PPP2R2B: variants seen among roughly 807,000 people sequenced by gnomAD.
PPP2R2B encodes serine/threonine-protein phosphatase 2A 55 kDa regulatory subunit B beta isoform.
Under a neutral mutation model 46.0 loss-of-function variants are expected in PPP2R2B, and 5 were observed. The ratio of observed to expected loss-of-function variants is 0.11; its 90% CI spans 0.06 to 0.23. PPP2R2B has a LOEUF of 0.23. Ranked by LOEUF, PPP2R2B falls within the 10% of genes least tolerant of loss-of-function variation. The pLI is 1.00. For synonymous variants in PPP2R2B, 215 were observed against 206.7 expected, an observed-to-expected ratio of 1.04 and a Z score of -0.34; for missense variants, 367 against 575.0, an observed-to-expected ratio of 0.64 and a Z score of 3.70.
chr5:146,960,086 T>C (rs1270602049), intron 1 of PPP2R2B, among the ~76,000 whole-genome samples: 1 of 152,162 alleles, frequency 6.6e-6, no homozygotes, highest in Non-Finnish European at 1.5e-5. Flanking sequence ...TAGATAATAC[T>C]ACATTGTTTC....
intron 3 of PPP2R2B, among the ~76,000 whole-genome samples, chr5:146,698,989 AAAG>A (rs1233642286): frequency 2.6e-5 from 4 of 152,158 alleles, no homozygotes; most frequent in South Asian, 2.1e-4. Flanking sequence ...GATGTGAAAG[AAAG>A]AAGAAGAAGA....
chr5:146,706,525 C>T lies in PPP2R2B; in HGVS notation c.71-5383G>A, dbSNP rs111660230. 3.6e-4 allele frequency: 423 copies of T among 1,175,680 alleles called. 2 individuals carry two copies. In the African/African-American group the frequency reaches 5.5e-3, roughly 15 times the overall value. 72.8% of individuals were successfully genotyped at this position (1,175,680 alleles called of 1,614,324 possible). ...TTCTGGTAGGCACGCAGCTGCCGCG[C>T]CATGTCCTACTTGGTCTGCTGAAGG... On this transcript the variant is annotated intron_variant, in intron 2 of 9. Coordinates refer to ENST00000394411, the MANE Select transcript of PPP2R2B (RefSeq NM_181675.4).
chr5:146,980,326 A>G (rs1001854418), intron 1 of PPP2R2B, among the ~76,000 whole-genome samples: 11 of 152,244 alleles, frequency 7.2e-5, no homozygotes, highest in African/African-American at 2.4e-4. Context: ...ACAATGAAGC[A>G]GAGATGGTAT....
chr5:146,876,613 C>T (rs897426472), intron 2 of PPP2R2B, among the ~76,000 whole-genome samples: 1 of 152,074 alleles, frequency 6.6e-6, no homozygotes, highest in African/African-American at 2.4e-5. Context: ...GAAAAAGAAT[C>T]GGTAAGTATG....
At chr5:146,597,373 T>C (rs959309683) in intron 8 of PPP2R2B, among the ~76,000 whole-genome samples, 5 of 152,204 alleles carry the variant, frequency 3.3e-5, no homozygotes, top group Non-Finnish European at 5.9e-5. Context: ...CTCCTGTCTT[T>C]TTAGTTCACT....
Position 147,006,238 on chromosome 5 carries a change from CT to C in PPP2R2B, c.79+49426del, listed in dbSNP as rs551172843. Reference sequence around the variant, plus strand: ...TTAGGAAAATTGCCTAATAATTGGTCTGCTCAAACGTGGGAGTTGTTTGCAT... The same window carrying C: ...TTAGGAAAATTGCCTAATAATTGGTCGCTCAAACGTGGGAGTTGTTTGCAT... On this transcript the variant is annotated intron_variant, in intron 1 of 8. Coordinates refer to the PPP2R2B transcript ENST00000336640. Among the ~76,000 whole-genome samples the C allele has an allele frequency of 1.7e-4, 26 of 152,298 alleles. No homozygotes were observed. The East Asian group carries it at 4.8e-3, about 28-fold the overall frequency.
intron 2 of PPP2R2B, among the ~76,000 whole-genome samples, chr5:146,726,961 A>G (rs1468206289): frequency 1.3e-5 from 2 of 152,198 alleles, no homozygotes. Context: ...TCCTGGCTCA[A>G]GGAGGCGTTT....
At chr5:147,071,116 G>C (rs559390966) in intron 2 of PPP2R2B, among the ~76,000 whole-genome samples, 1 of 152,094 alleles carries the variant, frequency 6.6e-6, no homozygotes, top group South Asian at 2.1e-4. Flanking sequence ...ATGTCCTTTC[G>C]CTTGACATTG....
chr5:146,777,659 A>G (rs576100479), intron 2 of PPP2R2B, among the ~76,000 whole-genome samples: 1 of 152,324 alleles, frequency 6.6e-6, no homozygotes, highest in East Asian at 1.9e-4. Flanking sequence ...TAAATTAAGA[A>G]GTCTATTATA....
intron 2 of PPP2R2B, among the ~76,000 whole-genome samples, chr5:146,838,202 G>A (rs1304715340): frequency 3.3e-5 from 5 of 152,130 alleles, no homozygotes; most frequent in Non-Finnish European, 7.3e-5. Flanking sequence ...AAACTTTCAA[G>A]GAGCTACTAA....
At chr5:147,036,538 G>A (rs1412106907) in intron 1 of PPP2R2B, among the ~76,000 whole-genome samples, 2 of 152,074 alleles carry the variant, frequency 1.3e-5, no homozygotes, top group African/African-American at 4.8e-5. Context: ...CCCAGTAATG[G>A]GATTGCTGAG....
At chr5:146,746,250 C>T (rs1417742355) in intron 2 of PPP2R2B, among the ~76,000 whole-genome samples, 2 of 152,196 alleles carry the variant, frequency 1.3e-5, no homozygotes, top group Non-Finnish European at 2.9e-5. Context: ...TATGGTCTCT[C>T]ATATTATCTC....
At chr5:146,949,421 T>C (rs1764585087) in intron 1 of PPP2R2B, among the ~76,000 whole-genome samples, 1 of 152,058 alleles carries the variant, frequency 6.6e-6, no homozygotes, top group African/African-American at 2.4e-5. Context: ...TCATTGATCA[T>C]CTGAGAAATG....
At chr5:146,861,008 A>C (rs888545384) in intron 2 of PPP2R2B, among the ~76,000 whole-genome samples, 4 of 150,568 alleles carry the variant, frequency 2.7e-5, no homozygotes, top group Non-Finnish European at 5.9e-5. Context: ...TGACAGTCAC[A>C]GTGTTCACTT....
intron 2 of PPP2R2B, chr5:146,856,371 C>T (rs1396088616): frequency 1.5e-6 from 1 of 677,998 alleles, no homozygotes. Flanking sequence ...TTTTAAGCAA[C>T]TGGAACTATT....
At chr5:146,859,535 G>A (rs945435474) in intron 2 of PPP2R2B, among the ~76,000 whole-genome samples, 9 of 152,154 alleles carry the variant, frequency 5.9e-5, no homozygotes, top group African/African-American at 1.4e-4. Flanking sequence ...CAAATAATGT[G>A]CATGTTGCAA....
intron 7 of PPP2R2B, among the ~76,000 whole-genome samples, chr5:146,605,542 A>G (rs1204598336): frequency 6.6e-6 from 1 of 152,118 alleles, no homozygotes; most frequent in Non-Finnish European, 1.5e-5. Flanking sequence ...CAACGCAATT[A>G]CCCTATTGTT....
intron 2 of PPP2R2B, among the ~76,000 whole-genome samples, chr5:146,781,930 C>T (rs369539990): frequency 1.2e-4 from 19 of 152,180 alleles, no homozygotes; most frequent in Admixed American, 6.5e-4. Flanking sequence ...GGAGGTGGGG[C>T]CTGGTGAGAG....
At chr5:146,897,086 A>T (rs1014896769) in intron 1 of PPP2R2B, among the ~76,000 whole-genome samples, 1 of 152,186 alleles carries the variant, frequency 6.6e-6, no homozygotes, top group Admixed American at 6.5e-5. Context: ...GCCCCAGAAC[A>T]ATGAAAAGAA....
Sources: allele counts gnomAD v4.1 joint callset (sites outside exome capture counted in the v4.1 genomes callset), GRCh38; gene constraint gnomAD v4.1.1; transcripts MANE v1.5; gene names NCBI Gene and HGNC (gene_info 2026-07-23, HGNC 2026-07-21).